GAS2: variants seen among roughly 807,000 people sequenced by gnomAD.
The protein encoded by GAS2 is growth arrest-specific protein 2.
In GAS2, 20 loss-of-function variants were observed where a neutral mutation model predicts 37.5. The observed-to-expected ratio is 0.53, with a 90% CI of 0.37 to 0.77. The LOEUF (loss-of-function observed/expected upper bound fraction) is 0.77. Among genes scored for constraint, GAS2 ranks in the 30% least tolerant of loss-of-function variants. The probability of loss-of-function intolerance (pLI) is 0.00; values close to 1 mark genes in which losing one functional copy is unlikely to be tolerated. For synonymous variants in GAS2, 144 were observed against 132.2 expected (o/e 1.09, Z -0.61); for missense variants, 336 against 373.4 (o/e 0.90, Z 0.82).
chr11:22,790,325 C>T (rs1244737964), intron 7 of GAS2, among the ~76,000 whole-genome samples: 2 of 152,092 alleles, frequency 1.3e-5, no homozygotes, highest in Non-Finnish European at 2.9e-5. Context: ...CAAACCTGCA[C>T]GTTGTGCACA....
At chr11:22,643,967 T>A (rs529521704) in intron 1 of GAS2, among the ~76,000 whole-genome samples, 1 of 152,276 alleles carries the variant, frequency 6.6e-6, no homozygotes, top group Admixed American at 6.5e-5. Context: ...ACCTCCTTTT[T>A]TTCTGGATGG....
chr11:22,747,475 G>A (rs1381411005), intron 5 of GAS2, among the ~76,000 whole-genome samples: 6 of 152,128 alleles, frequency 3.9e-5, no homozygotes, highest in Non-Finnish European at 8.8e-5. Flanking sequence ...AGCAGTAATT[G>A]TTCAGTAGAA....
intron 7 of GAS2, among the ~76,000 whole-genome samples, chr11:22,779,641 T>A (rs1241470756): frequency 6.6e-6 from 1 of 151,802 alleles, no homozygotes; most frequent in African/African-American, 2.4e-5. Context: ...GAGGTTGCTG[T>A]AAGCCAAGAT....
chr11:22,694,142 A>G lies in GAS2; in HGVS notation c.267+8353A>G, dbSNP rs534710801. ...AAGTTTACCTATATAACAAACCTGC[A>G]CTTGTACCCCTGAACTTAAAATAAA... On this transcript the variant is annotated intron_variant, in intron 3 of 7. Transcript: ENST00000454584. Among the ~76,000 whole-genome samples the G allele has an allele frequency of 1.4e-4, 21 of 152,286 alleles. No individual in the cohort carries two copies. The South Asian group carries it at 4.1e-3, about 30-fold the overall frequency.
chr11:22,765,157 T>C (rs974404399), intron 7 of GAS2, among the ~76,000 whole-genome samples: 5 of 152,202 alleles, frequency 3.3e-5, no homozygotes, highest in Non-Finnish European at 4.4e-5. Flanking sequence ...TATATGTGTA[T>C]TTTATATCTA....
chr11:22,706,689 A>G (rs1463614021), intron 3 of GAS2, among the ~76,000 whole-genome samples: 2 of 152,170 alleles, frequency 1.3e-5, no homozygotes, highest in Admixed American at 6.6e-5. Context: ...GCTGCATAGT[A>G]TTCCATGGTG....
intron 7 of GAS2, among the ~76,000 whole-genome samples, chr11:22,792,033 A>G (rs1473813777): frequency 6.6e-6 from 1 of 152,216 alleles, no homozygotes; most frequent in Non-Finnish European, 1.5e-5. Context: ...TATGCAGGTA[A>G]GATTCTGAAA....
At chr11:22,648,542 C>G (rs921370720) in intron 1 of GAS2, among the ~76,000 whole-genome samples, 4 of 152,162 alleles carry the variant, frequency 2.6e-5, no homozygotes, top group South Asian at 2.1e-4. Context: ...AATATTGATT[C>G]TTCCTACCCA....
intron 1 of GAS2, among the ~76,000 whole-genome samples, chr11:22,637,221 T>G (rs1425156679): frequency 1.1e-5 from 1 of 92,498 alleles, no homozygotes; most frequent in African/African-American, 4.1e-5. Flanking sequence ...ATGTTAATAG[T>G]ATACTAATAT....
intron 1 of GAS2, among the ~76,000 whole-genome samples, chr11:22,638,198 G>T (rs1858863849): frequency 2.6e-5 from 4 of 152,090 alleles, no homozygotes; most frequent in Admixed American, 2.0e-4. Flanking sequence ...TGGAGGAAAT[G>T]TTATAAAAGA....
At chr11:22,662,625 A>G (rs1848927246), upstream of GAS2, among the ~76,000 whole-genome samples, 1 of 152,108 alleles carries the variant, frequency 6.6e-6, no homozygotes, top group Non-Finnish European at 1.5e-5. Context: ...TAAGATTTAG[A>G]AGCAAACTAC....
At chr11:22,716,252 C>T (rs1851672336) in intron 3 of GAS2, among the ~76,000 whole-genome samples, 1 of 152,118 alleles carries the variant, frequency 6.6e-6, no homozygotes, top group Non-Finnish European at 1.5e-5. Context: ...AAAACATTTC[C>T]TCTGAGAACT....
At chr11:22,744,702 G>A (rs1317089407) in intron 5 of GAS2, among the ~76,000 whole-genome samples, 2 of 151,916 alleles carry the variant, frequency 1.3e-5, no homozygotes, top group African/African-American at 4.8e-5. Context: ...TCATATTGAA[G>A]CAAAAGCTGG....
rs191098199 is a variant in GAS2, at chr11:22,715,146, G to A, written c.268-11146G>A. Reference sequence around the variant, plus strand: ...GATTAACCAAGAAAAGAAGAGATACGTTCCAAATAAGCTTAATTAGAAACA... The same window carrying A: ...GATTAACCAAGAAAAGAAGAGATACATTCCAAATAAGCTTAATTAGAAACA... On this transcript the variant is annotated intron_variant, in intron 3 of 7. Transcript: ENST00000454584. 2.3e-4 allele frequency among the ~76,000 whole-genome samples: 35 copies of A among 152,206 alleles called. No individual in the cohort carries two copies. The East Asian group carries it at 5.6e-3, about 24-fold the overall frequency.
intron 1 of GAS2, among the ~76,000 whole-genome samples, chr11:22,649,044 G>C (rs948483274): frequency 6.6e-6 from 1 of 152,176 alleles, no homozygotes; most frequent in East Asian, 1.9e-4. Flanking sequence ...TATGATATTG[G>C]CTGTGGGTTT....
At position 22,779,661 on chromosome 11, in the gene GAS2, G is replaced by A. The variant is rs183909172; in HGVS notation, c.723+23708G>A. Among the ~76,000 whole-genome samples, 37 of 152,030 alleles carry A rather than the reference G, an allele frequency of 2.4e-4. No homozygotes were observed. In the East Asian group the frequency reaches 6.2e-3, roughly 25 times the overall value. ...TGCTGTAAGCCAAGATCGTGCCACT[G>A]CAGTCCAGCCTGGGCAACAAAGAGT... On this transcript the variant is annotated intron_variant, in intron 7 of 7. Transcript: ENST00000454584.
At chr11:22,735,205 T>C (rs1215311515) in intron 4 of GAS2, among the ~76,000 whole-genome samples, 4 of 149,598 alleles carry the variant, frequency 2.7e-5, no homozygotes, top group African/African-American at 9.7e-5. Context: ...TAGTCATTGC[T>C]TGCTGGTCAC....
At chr11:22,799,897 T>G (rs1856585378) in intron 7 of GAS2, among the ~76,000 whole-genome samples, 1 of 152,032 alleles carries the variant, frequency 6.6e-6, no homozygotes, top group Admixed American at 6.6e-5. Flanking sequence ...TAACCTTGCC[T>G]GCCACTCAAC....
At chr11:22,627,893 TG>T (rs971906774) in intron 1 of GAS2, among the ~76,000 whole-genome samples, 1 of 152,178 alleles carries the variant, frequency 6.6e-6, no homozygotes, top group Non-Finnish European at 1.5e-5. Flanking sequence ...TAATTTTTTT[TG>T]CAGGTATCTG....
Sources: allele counts gnomAD v4.1 joint callset (sites outside exome capture counted in the v4.1 genomes callset), GRCh38; gene constraint gnomAD v4.1.1; transcripts MANE v1.5; gene names NCBI Gene and HGNC (gene_info 2026-07-23, HGNC 2026-07-21).